Variants in USP37 observed in about 807,000 individuals in gnomAD.
USP37 encodes the protein ubiquitin carboxyl-terminal hydrolase 37.
In USP37, 27 loss-of-function variants were observed where a neutral mutation model predicts 124.0. The observed-to-expected ratio is 0.22, with a 90% CI of 0.16 to 0.30. The LOEUF (loss-of-function observed/expected upper bound fraction) is 0.30, where lower values mean the gene tolerates loss of function less well. Ranked by LOEUF, USP37 falls within the 10% of genes least tolerant of loss-of-function variation. The pLI is 1.00. For missense variants in USP37, 889 were observed against 1,140.4 expected, an observed-to-expected ratio of 0.78 and a Z score of 3.17; for synonymous variants, 365 against 388.0, an observed-to-expected ratio of 0.94 and a Z score of 0.70.
chr2:218,511,621 T>C (rs1690003010), intron 10 of USP37, among the ~76,000 whole-genome samples: 1 of 152,038 alleles, frequency 6.6e-6, no homozygotes, highest in Admixed American at 6.6e-5. Flanking sequence ...AATTTTTTTG[T>C]ATTTTAGTAG....
chr2:218,485,072 CAT>C (rs1390592039), intron 16 of USP37, among the ~76,000 whole-genome samples: 1 of 152,128 alleles, frequency 6.6e-6, no homozygotes, highest in Non-Finnish European at 1.5e-5. Flanking sequence ...TTCTTATATA[CAT>C]GTGTGTATGT....
At chr2:218,470,133 C>A (rs1368071282) in intron 20 of USP37, among the ~76,000 whole-genome samples, 1 of 152,148 alleles carries the variant, frequency 6.6e-6, no homozygotes, top group Non-Finnish European at 1.5e-5. Context: ...ACTCAACATT[C>A]TTCCACTGAA....
At position 218,505,338 on chromosome 2, in the gene USP37, A is replaced by G. The variant is rs572820151; in HGVS notation, c.1025+4641T>C. ...CCAGCTGACATAATGTTTATATACC[A>G]TTCTTTTATATGTATTCTCACCATT... On this transcript the variant is annotated intron_variant, in intron 11 of 25. Coordinates refer to ENST00000258399, the MANE Select transcript of USP37 (RefSeq NM_020935.3). Among the ~76,000 whole-genome samples the G allele has an allele frequency of 2.0e-5, 3 of 152,206 alleles. No individual in the cohort carries two copies. The South Asian group carries it at 6.2e-4, about 32-fold the overall frequency.
chr2:218,475,322 G>C (rs1179571955), intron 19 of USP37, among the ~76,000 whole-genome samples: 1 of 152,162 alleles, frequency 6.6e-6, no homozygotes, highest in Non-Finnish European at 1.5e-5. Flanking sequence ...ACGACATCAA[G>C]ATTATGTAAA....
At chr2:218,558,328 C>G (rs1693137193) in intron 4 of USP37, among the ~76,000 whole-genome samples, 170 bp downstream of exon 4, 1 of 152,096 alleles carries the variant, frequency 6.6e-6, no homozygotes, top group Admixed American at 6.5e-5. Flanking sequence ...AACAACAATA[C>G]TGATGAATAA....
At chr2:218,510,944 C>T (rs1689951083) in intron 10 of USP37, among the ~76,000 whole-genome samples, 1 of 151,780 alleles carries the variant, frequency 6.6e-6, no homozygotes, top group African/African-American at 2.4e-5. Context: ...GCAATGAGCG[C>T]AGATTGCACC....
At chr2:218,530,417 T>C (rs1691260756) in intron 9 of USP37, among the ~76,000 whole-genome samples, 1 of 152,208 alleles carries the variant, frequency 6.6e-6, no homozygotes, top group Non-Finnish European at 1.5e-5. Flanking sequence ...ATGTTACTGT[T>C]GTCACTGTTT....
chr2:218,512,087 A>C (rs1370499052), intron 10 of USP37, among the ~76,000 whole-genome samples: 4 of 151,986 alleles, frequency 2.6e-5, no homozygotes, highest in Admixed American at 6.6e-5. Context: ...TTTGGTACTT[A>C]AAAAAAATGT....
At chr2:218,465,954 T>C (rs1374754265) in intron 21 of USP37, 56 bp downstream of exon 21, 6 of 1,556,502 alleles carry the variant, frequency 3.9e-6, no homozygotes, top group Admixed American at 2.0e-5. Context: ...GTTATTATTA[T>C]TATATTTCTC....
intron 10 of USP37, among the ~76,000 whole-genome samples, chr2:218,525,440 T>C (rs1690903018): frequency 6.6e-6 from 1 of 152,200 alleles, no homozygotes; most frequent in Non-Finnish European, 1.5e-5. Context: ...GCCATGATTA[T>C]GCCACTACAC....
At chr2:218,512,897 T>C (rs1234043841) in intron 10 of USP37, among the ~76,000 whole-genome samples, 1 of 152,186 alleles carries the variant, frequency 6.6e-6, no homozygotes, top group Non-Finnish European at 1.5e-5. Flanking sequence ...ATTTAGTACA[T>C]ACTCATATAA....
Position 218,457,147 on chromosome 2 carries a change from A to G in USP37, c.2658T>C (p.Pro886=). 6.2e-7 allele frequency: 1 copy of G among 1,613,918 alleles called. No homozygotes were observed. Among genetic ancestry groups the G allele is most frequent in the Non-Finnish European group, 8.5e-7 (1 of 1,179,938 alleles). ...CAACACTGATGAGCCGGTACGAATG[A>G]GGCAGATTTCCTGTCTGGAAAACAG... ...LKRNAETGNL[P]HSYRLISVVS... The change falls in exon 24 of 26, where the codon CCT becomes CCC. Residue 886 remains proline (P), a synonymous_variant. Transcript: ENST00000258399.
At chr2:218,485,812 C>CA in intron 15 of USP37, 69 bp from the exon 16 acceptor site, 1 of 1,530,024 alleles carries the variant, frequency 6.5e-7, no homozygotes, top group Non-Finnish European at 8.9e-7. Flanking sequence ...AAATAATTTG[C>CA]TCTAGTCTTA....
At chr2:218,498,727 AAAAT>A (rs1277542051) in intron 11 of USP37, among the ~76,000 whole-genome samples, 1 of 152,160 alleles carries the variant, frequency 6.6e-6, no homozygotes, top group African/African-American at 2.4e-5. Flanking sequence ...ACTCTGTCTC[AAAAT>A]AAATAAAATA....
At chr2:218,564,891 T>C (rs934523733) in intron 1 of USP37, among the ~76,000 whole-genome samples, 2 of 152,190 alleles carry the variant, frequency 1.3e-5, no homozygotes, top group South Asian at 2.1e-4. Context: ...AATCCTGTTC[T>C]ACACATACAA....
rs1689658977 is a variant in USP37 at position 218,455,648 on chromosome 2, T to C, written c.2784A>G (p.Ser928=). Residue 928 remains serine (S), a synonymous_variant, in exon 25 of 26, where the codon TCA becomes TCG. Transcript: ENST00000258399. The part of the protein sequence containing the change: ...AWFTYNDLEV[S]KIQEAAVQSD... ...TCTGCACGGCAGCCTCTTGGATTTT[T>C]GATACCTCCAGGTCATTGTAAGTAA... 3 of 1,614,110 alleles carry C rather than the reference T, an allele frequency of 1.9e-6. No homozygotes were observed. Among genetic ancestry groups the C allele is most frequent in the Admixed American group, 3.3e-5 (2 of 60,010 alleles).
At chr2:218,559,589 A>G (rs1246606201) in intron 3 of USP37, among the ~76,000 whole-genome samples, 1 of 152,224 alleles carries the variant, frequency 6.6e-6, no homozygotes, top group Non-Finnish European at 1.5e-5. Flanking sequence ...TTATATTTAA[A>G]CTACCATTCC....
chr2:218,479,857 T>C (rs899820343), intron 17 of USP37, 142 bp from the exon 18 acceptor site: 1 of 428,806 alleles, frequency 2.3e-6, no homozygotes, highest in African/African-American at 2.1e-5. Context: ...TTTAAATTAC[T>C]AGCAATAGGC....
chr2:218,467,832 G>C (rs1007260207), intron 20 of USP37, among the ~76,000 whole-genome samples: 1 of 151,218 alleles, frequency 6.6e-6, no homozygotes, highest in Non-Finnish European at 1.5e-5. Context: ...AAACAGAATA[G>C]TTATGATTTT....
Sources: gnomAD v4.1 joint callset for allele counts (sites outside exome capture counted in the v4.1 genomes callset) on GRCh38, gnomAD v4.1.1 for gene constraint, MANE v1.5 for transcripts, NCBI Gene and HGNC (gene_info 2026-07-23, HGNC 2026-07-21) for gene names.